Variants in MAP2K5 observed in about 807,000 individuals in gnomAD.
The protein encoded by MAP2K5 is dual specificity mitogen-activated protein kinase kinase 5.
Under a neutral mutation model 83.1 loss-of-function variants are expected in MAP2K5, and 49 were observed. That is an observed-to-expected ratio of 0.59 (90% CI 0.47 to 0.75). The LOEUF (loss-of-function observed/expected upper bound fraction) is 0.75. MAP2K5 is among the 30% of genes least tolerant of loss of function. The pLI, the probability that MAP2K5 is intolerant of heterozygous loss-of-function variation, is 0.00. For synonymous variants in MAP2K5, 202 were observed against 191.8 expected (o/e 1.05, Z -0.44); for missense variants, 457 against 557.5 (o/e 0.82, Z 1.82).
chr15:67,771,616 T>C (rs900926981), intron 20 of MAP2K5, among the ~76,000 whole-genome samples: 2 of 152,206 alleles, frequency 1.3e-5, no homozygotes, highest in Non-Finnish European at 2.9e-5. Context: ...CCAACTCCAC[T>C]GGCGAGACAG....
intron 16 of MAP2K5, among the ~76,000 whole-genome samples, chr15:67,716,433 A>G (rs1049461008): frequency 5.9e-5 from 9 of 152,240 alleles, no homozygotes; most frequent in African/African-American, 2.2e-4. Context: ...AAAGATAAGA[A>G]GGAACCAGTC....
At position 67,806,727 on chromosome 15, in the gene MAP2K5, C is replaced by T. The variant is rs762268601; in HGVS notation, c.1324C>T (p.Arg442Trp). The T allele has an allele frequency of 9.0e-6, 14 of 1,552,568 alleles. No homozygotes were observed. Among genetic ancestry groups the T allele is most frequent in the Admixed American group, 1.9e-5 (1 of 51,450 alleles). ...MWVCRALEER[R>W]SQQGPP ...GGTGTGCCGGGCGCTGGAGGAGAGG[C>T]GGAGCCAGCAGGGGCCCCCGTGAGG... is the stretch of plus-strand genomic sequence containing the variant. The change falls in exon 22 of 22, where the codon CGG (arginine) becomes TGG (tryptophan). Residue 442 changes from arginine to tryptophan, a missense_variant. By Grantham distance (101) the Arg-to-Trp change is moderately radical. Coordinates refer to ENST00000178640, the MANE Select transcript of MAP2K5 (RefSeq NM_145160.3).
chr15:67,675,634 T>G (rs144627181), intron 13 of MAP2K5, among the ~76,000 whole-genome samples: 1 of 152,216 alleles, frequency 6.6e-6, no homozygotes, highest in Admixed American at 6.5e-5. Flanking sequence ...CTTACCATTG[T>G]AAATGTAAAC....
At chr15:67,739,954 C>A (rs2089456440) in intron 17 of MAP2K5, among the ~76,000 whole-genome samples, 1 of 152,054 alleles carries the variant, frequency 6.6e-6, no homozygotes, top group Non-Finnish European at 1.5e-5. Context: ...AGAAACATTA[C>A]CATGTGGTAG....
intron 9 of MAP2K5, chr15:67,642,528 A>C: frequency 8.1e-7 from 1 of 1,230,838 alleles, no homozygotes; most frequent in Non-Finnish European, 1.2e-6. Flanking sequence ...GGTGGCATTC[A>C]AGCTGGGTCT....
intron 19 of MAP2K5, among the ~76,000 whole-genome samples, chr15:67,762,327 T>C (rs2089964039): frequency 6.6e-6 from 1 of 152,222 alleles, no homozygotes; most frequent in South Asian, 2.1e-4. Context: ...ACTGTTCATG[T>C]AGGCACATCT....
chr15:67,714,697 T>C (rs34370918), intron 16 of MAP2K5, among the ~76,000 whole-genome samples: 2,834 of 152,290 alleles, frequency 0.019, 104 homozygotes, highest in African/African-American at 0.065. Context: ...GAAATCTTAC[T>C]ACATGTTGAA....
At chr15:67,711,800 G>T (rs529698025) in intron 16 of MAP2K5, among the ~76,000 whole-genome samples, 1 of 152,220 alleles carries the variant, frequency 6.6e-6, no homozygotes, top group Non-Finnish European at 1.5e-5. Flanking sequence ...AAGCAAGCAG[G>T]CAATCTGATA....
intron 8 of MAP2K5, among the ~76,000 whole-genome samples, chr15:67,630,431 G>A (rs1261193925): frequency 6.6e-6 from 1 of 151,968 alleles, no homozygotes; most frequent in Non-Finnish European, 1.5e-5. Flanking sequence ...TTATCTGCAT[G>A]TGTAATTAAA....
chr15:67,628,493 AT>A, intron 8 of MAP2K5: 2 of 679,438 alleles, frequency 2.9e-6, no homozygotes, highest in East Asian at 2.8e-5. Context: ...AAAAATAAAA[AT>A]AAAAAATAAA....
chr15:67,732,419 A>T (rs563819684), intron 17 of MAP2K5, among the ~76,000 whole-genome samples: 1 of 152,366 alleles, frequency 6.6e-6, no homozygotes, highest in East Asian at 1.9e-4. Flanking sequence ...TTTGGCAAGC[A>T]AGATGCCACA....
intron 4 of MAP2K5, among the ~76,000 whole-genome samples, chr15:67,582,537 A>G (rs2085201482): frequency 6.6e-6 from 1 of 152,094 alleles, no homozygotes; most frequent in South Asian, 2.1e-4. Flanking sequence ...ATATACTTCC[A>G]GGCAGGGCAC....
chr15:67,708,048 G>T lies in MAP2K5; in HGVS notation c.1044+4640G>T, dbSNP rs2088598898. 6.6e-6 allele frequency among the ~76,000 whole-genome samples: 1 copy of T among 152,200 alleles called. No homozygotes were observed. The highest frequency in any genetic ancestry group is 1.5e-5 in the Non-Finnish European group (1 of 68,034). ...AATCAAATACAGGCTAGGCCTGGCGGCTCATTCCTGTAATACCAGCACTTT... is the reference window on the plus strand; with the variant it reads ...AATCAAATACAGGCTAGGCCTGGCGTCTCATTCCTGTAATACCAGCACTTT... On this transcript the variant is annotated intron_variant, in intron 16 of 21. Transcript: ENST00000178640. This position sits in a 1 kb window ranked among gnomAD's most constrained non-coding sequence, Gnocchi z 4.9.
At chr15:67,674,877 GA>G (rs2087639428) in intron 13 of MAP2K5, among the ~76,000 whole-genome samples, 1 of 152,084 alleles carries the variant, frequency 6.6e-6, no homozygotes, top group South Asian at 2.1e-4. Flanking sequence ...AGGCTTTAGG[GA>G]AATGCAAATT....
At chr15:67,685,918 A>T (rs1383104734) in intron 13 of MAP2K5, among the ~76,000 whole-genome samples, 2 of 152,246 alleles carry the variant, frequency 1.3e-5, no homozygotes, top group Non-Finnish European at 2.9e-5. Context: ...GCACTACATC[A>T]GCAGAATTTG....
At chr15:67,765,252 G>A (rs377579034) in intron 19 of MAP2K5, among the ~76,000 whole-genome samples, 67 of 152,294 alleles carry the variant, frequency 4.4e-4, no homozygotes, top group African/African-American at 1.5e-3. Context: ...CCAGCTACTC[G>A]GGAGGCTAAG....
intron 13 of MAP2K5, among the ~76,000 whole-genome samples, chr15:67,666,334 CTGA>C (rs1441863371): frequency 6.6e-6 from 1 of 152,172 alleles, no homozygotes. Flanking sequence ...AGAAATCATG[CTGA>C]TAAGTTGATG....
At chr15:67,590,836 C>T (rs1430869638) in intron 6 of MAP2K5, among the ~76,000 whole-genome samples, 1 of 152,128 alleles carries the variant, frequency 6.6e-6, no homozygotes, top group African/African-American at 2.4e-5. Flanking sequence ...ATAACCAGAG[C>T]AGCGACCACC....
chr15:67,739,531 A>T (rs1473649701), intron 17 of MAP2K5, among the ~76,000 whole-genome samples: 2 of 117,156 alleles, frequency 1.7e-5, no homozygotes, highest in African/African-American at 6.6e-5. Context: ...CCCAGGCTGG[A>T]GTGCAGTGGT....
Sources: gnomAD v4.1 joint callset for allele counts (sites outside exome capture counted in the v4.1 genomes callset) on GRCh38, gnomAD v4.1.1 for gene constraint, Gnocchi (gnomAD v3.1) non-coding constraint, MANE v1.5 for transcripts, NCBI Gene and HGNC (gene_info 2026-07-23, HGNC 2026-07-21) for gene names.